The following KALRN variants were observed in gnomAD, a reference collection of about 807,000 sequenced individuals.
KALRN encodes the protein kalirin.
A neutral mutation model predicts 353.7 loss-of-function variants in KALRN; 70 were observed. That is an observed-to-expected ratio of 0.20 (90% confidence interval 0.16 to 0.24). The LOEUF (loss-of-function observed/expected upper bound fraction) is 0.24, where lower values mean the gene tolerates loss of function less well. Ranked by LOEUF, KALRN falls within the 10% of genes least tolerant of loss-of-function variation. The probability of loss-of-function intolerance (pLI) is 1.00; values close to 1 mark genes in which losing one functional copy is unlikely to be tolerated. For synonymous variants in KALRN, 1,391 were observed against 1,434.8 expected, an observed-to-expected ratio of 0.97 and a Z score of 0.69; for missense variants, 2,791 against 3,756.7, an observed-to-expected ratio of 0.74 and a Z score of 6.72.
At position 124,632,625 on chromosome 3, in the gene KALRN, C is replaced by T. The variant is rs766556706; in HGVS notation, c.5388C>T (p.Arg1796=). The T allele has an allele frequency of 4.7e-5, 76 of 1,614,090 alleles. No homozygotes were observed. The highest frequency in any genetic ancestry group is 5.6e-5 in the Non-Finnish European group (66 of 1,180,010). ...ACATCAAAAAGCAGAAGAAAGTTCG[C>T]GATGGTCGGAAGAGCTTTGACCTGG... ...DGNIKKQKKV[R]DGRKSFDLGS... Residue 1796 remains arginine, a synonymous_variant, in exon 35 of 60, where the codon CGC becomes CGT. Transcript: ENST00000682506.
intron 1 of KALRN, chr3:124,153,124 A>T (rs1334619993): frequency 9.4e-5 from 14 of 149,518 alleles, no homozygotes; most frequent in Admixed American, 6.2e-4. Flanking sequence ...TTATTTTTTT[A>T]TTATTATTAT....
chr3:124,718,121 T>A (rs1447323629), intron 59 of KALRN, among the ~76,000 whole-genome samples: 1 of 118,362 alleles, frequency 8.4e-6, no homozygotes, highest in East Asian at 2.9e-4. Flanking sequence ...CCATTATGAC[T>A]ATTTTTTTTT....
At chr3:124,306,066 G>T (rs963373905) in intron 6 of KALRN, among the ~76,000 whole-genome samples, 1 of 151,960 alleles carries the variant, frequency 6.6e-6, no homozygotes, top group Non-Finnish European at 1.5e-5. Flanking sequence ...TATCAGTAAA[G>T]ACATTATTAT....
chr3:124,205,117 A>AGGCATAGTC (rs1379766931), intron 1 of KALRN, among the ~76,000 whole-genome samples: 4 of 152,254 alleles, frequency 2.6e-5, no homozygotes, highest in Non-Finnish European at 5.9e-5. Context: ...CCAAATAGGA[A>AGGCATAGTC]GGCATAGTCA....
At chr3:124,404,162 A>AAAAAAAC (rs1462834183) in intron 13 of KALRN, among the ~76,000 whole-genome samples, 1 of 151,578 alleles carries the variant, frequency 6.6e-6, no homozygotes, top group Non-Finnish European at 1.5e-5. Context: ...GGAAAAAAAA[A>AAAAAAAC]AAAAAAAGAG....
intron 1 of KALRN, among the ~76,000 whole-genome samples, chr3:124,170,683 G>A (rs1228751243): frequency 6.6e-6 from 1 of 151,916 alleles, no homozygotes; most frequent in African/African-American, 2.4e-5. Context: ...TGGGCCCTTG[G>A]GCTTGATTCT....
chr3:124,642,806 G>GTTTTTTTGTTGTTGTTGTTTTTT lies in KALRN; in HGVS notation c.5664+5510_5664+5511insGTTGTTGTTGTTTTTTTTTTTTT, dbSNP rs1553707032. On this transcript the variant is annotated intron_variant, in intron 37 of 59. Transcript: ENST00000682506. Reference sequence around the variant, plus strand: ...TCTGTGGAAGAGATTCCCAAGCCTCGTTTTTTTTTTTTTTTTTTTTGAGAC... The same window carrying GTTTTTTTGTTGTTGTTGTTTTTT: ...TCTGTGGAAGAGATTCCCAAGCCTCGTTTTTTTGTTGTTGTTGTTTTTTTTTTTTTTTTTTTTTTTTTTGAGAC... Among the ~76,000 whole-genome samples the GTTTTTTTGTTGTTGTTGTTTTTT allele has an allele frequency of 1.7e-3, 164 of 96,810 alleles. 8 individuals are homozygous for GTTTTTTTGTTGTTGTTGTTTTTT. Among genetic ancestry groups the GTTTTTTTGTTGTTGTTGTTTTTT allele is most frequent in the Admixed American group, 1.9e-3 (15 of 7,914 alleles). The allele number at this position is 96,810 out of a possible 152,430, so 63.5% of individuals were successfully genotyped here. A position where few individuals can be genotyped will look rare whatever the true frequency, so the allele number is the denominator to read the frequency against.
At chr3:124,239,070 G>C (rs1421064412) in intron 3 of KALRN, among the ~76,000 whole-genome samples, 1 of 152,106 alleles carries the variant, frequency 6.6e-6, no homozygotes, top group Non-Finnish European at 1.5e-5. Flanking sequence ...TATCTTTACT[G>C]TCATCCACCT....
intron 38 of KALRN, among the ~76,000 whole-genome samples, chr3:124,655,301 G>A (rs1306345471): frequency 6.6e-6 from 1 of 152,206 alleles, no homozygotes; most frequent in East Asian, 1.9e-4. Context: ...CAATCGTTCA[G>A]TTGTAGGTGA....
chr3:124,065,140 T>C (rs1377308740), intron 1 of KALRN, among the ~76,000 whole-genome samples: 3 of 152,182 alleles, frequency 2.0e-5, no homozygotes, highest in Non-Finnish European at 4.4e-5. Context: ...GAAGGAGTTC[T>C]GGAGTAAGAG....
intron 6 of KALRN, among the ~76,000 whole-genome samples, chr3:124,323,405 G>T (rs2079551421): frequency 6.6e-6 from 1 of 152,184 alleles, no homozygotes; most frequent in African/African-American, 2.4e-5. Context: ...CCTGTGGGCA[G>T]GGGGTGGATG....
At chr3:124,119,609 A>G (rs1377276049) in intron 1 of KALRN, among the ~76,000 whole-genome samples, 4 of 152,226 alleles carry the variant, frequency 2.6e-5, no homozygotes, top group Non-Finnish European at 5.9e-5. Context: ...AGGCAGGACT[A>G]CTTCCAGGCT....
chr3:124,587,802 C>G (rs2075362120), intron 34 of KALRN, among the ~76,000 whole-genome samples: 1 of 147,080 alleles, frequency 6.8e-6, no homozygotes, highest in Non-Finnish European at 1.5e-5. Flanking sequence ...ATCTCCTGGG[C>G]TCCCACCTCA....
intron 21 of KALRN, among the ~76,000 whole-genome samples, chr3:124,450,502 C>T (rs999212864): frequency 2.6e-5 from 4 of 151,336 alleles, no homozygotes; most frequent in South Asian, 2.1e-4. Context: ...TACTTTAGAC[C>T]GAGAGAGGTA....
intron 48 of KALRN, 22 bp from the exon 49 acceptor site, chr3:124,674,342 T>C: frequency 1.2e-6 from 2 of 1,604,096 alleles, no homozygotes; most frequent in Middle Eastern, 1.7e-4. Flanking sequence ...TTTGTGCCCC[T>C]CTCACCCTTA....
intron 12 of KALRN, among the ~76,000 whole-genome samples, chr3:124,396,825 C>A (rs1027086247): frequency 3.9e-5 from 6 of 152,170 alleles, no homozygotes; most frequent in African/African-American, 7.2e-5. Flanking sequence ...CAGAGAGTAC[C>A]GTAGGCATAT....
At chr3:124,316,476 C>T (rs2078825934) in intron 6 of KALRN, among the ~76,000 whole-genome samples, 1 of 152,218 alleles carries the variant, frequency 6.6e-6, no homozygotes, top group South Asian at 2.1e-4. Context: ...TCAGCCTCTA[C>T]AACTTGTCAT....
At chr3:124,120,929 TA>T (rs890008036) in intron 1 of KALRN, among the ~76,000 whole-genome samples, 2 of 148,990 alleles carry the variant, frequency 1.3e-5, no homozygotes, top group Non-Finnish European at 3.0e-5. Context: ...CCATCTGTAC[TA>T]AAAAAAATAC....
intron 11 of KALRN, among the ~76,000 whole-genome samples, chr3:124,392,536 CTT>C (rs997681932): frequency 2.3e-5 from 3 of 131,006 alleles, no homozygotes; most frequent in Non-Finnish European, 1.7e-5. Flanking sequence ...GGATTTGAAA[CTT>C]TTTTTTTTTG....
Sources: gnomAD v4.1 joint callset for allele counts (sites outside exome capture counted in the v4.1 genomes callset) on GRCh38, gnomAD v4.1.1 for gene constraint, MANE v1.5 for transcripts, NCBI Gene and HGNC (gene_info 2026-07-23, HGNC 2026-07-21) for gene names.